ZNHIT6: variants seen among roughly 807,000 people sequenced by gnomAD.
The protein encoded by ZNHIT6 is box C/D snoRNA protein 1.
In ZNHIT6, 45 loss-of-function variants were observed where a neutral mutation model predicts 57.2. The observed-to-expected ratio is 0.79, with a 90% confidence interval of 0.62 to 1.01. The LOEUF (loss-of-function observed/expected upper bound fraction) is 1.01, where lower values mean the gene tolerates loss of function less well. ZNHIT6 is among the 50% of genes least tolerant of loss of function. The pLI, the probability that ZNHIT6 is intolerant of heterozygous loss-of-function variation, is 0.00. For synonymous variants in ZNHIT6, 188 were observed against 190.0 expected, an observed-to-expected ratio of 0.99 and a Z score of 0.09; for missense variants, 528 against 567.3, an observed-to-expected ratio of 0.93 and a Z score of 0.70.
chr1:85,680,698 G>A, intron 6 of ZNHIT6, 138 bp downstream of exon 6: 1 of 550,316 alleles, frequency 1.8e-6, no homozygotes, highest in Non-Finnish European at 3.1e-6. Flanking sequence ...TTCATTTTTA[G>A]TGATGTTTAG....
chr1:85,678,220 A>T (rs9661608), intron 7 of ZNHIT6, among the ~76,000 whole-genome samples: 137,818 of 152,172 alleles, frequency 0.91, 63,050 homozygotes, highest in Non-Finnish European at 0.97. Flanking sequence ...CTTAGTTCTA[A>T]GAAGACTTGG....
intron 9 of ZNHIT6, among the ~76,000 whole-genome samples, chr1:85,657,250 A>G (rs763598272): frequency 1.3e-5 from 2 of 152,116 alleles, no homozygotes; most frequent in African/African-American, 2.4e-5. Context: ...GTACTTCCCT[A>G]TATCACAAAA....
intron 1 of ZNHIT6, 116 bp downstream of exon 1, chr1:85,707,513 C>T (rs1286028984): frequency 7.9e-7 from 1 of 1,268,904 alleles, no homozygotes; most frequent in African/African-American, 1.5e-5. Flanking sequence ...CTCCAGAAAC[C>T]CAAACTTGTG....
intron 5 of ZNHIT6, among the ~76,000 whole-genome samples, chr1:85,684,189 C>T (rs956613443): frequency 2.0e-5 from 3 of 152,064 alleles, no homozygotes; most frequent in Admixed American, 2.0e-4. Flanking sequence ...TCCAAGATAC[C>T]ATGTTTAGAG....
intron 5 of ZNHIT6, 41 bp from the exon 6 acceptor site, chr1:85,680,945 TAA>T (rs1219556580): frequency 6.7e-7 from 1 of 1,481,502 alleles, no homozygotes. Context: ...AGGTAGATAA[TAA>T]AAGTCTGGAT....
chr1:85,698,853 G>A (rs1006753954), intron 5 of ZNHIT6, among the ~76,000 whole-genome samples: 5 of 152,058 alleles, frequency 3.3e-5, no homozygotes, highest in African/African-American at 7.2e-5. Context: ...GACCTATGAG[G>A]GGTGAATGGA....
intron 5 of ZNHIT6, among the ~76,000 whole-genome samples, chr1:85,691,635 G>A (rs1043791939): frequency 3.9e-5 from 6 of 152,216 alleles, no homozygotes; most frequent in South Asian, 2.1e-4. Flanking sequence ...ACTGGCTCAC[G>A]CCTGTAATCC....
In ZNHIT6 at chr1:85,652,843, A is replaced by G. The variant is rs939467888; in HGVS notation, c.*1215T>C. 3 of 152,216 alleles carry G rather than the reference A, an allele frequency of 2.0e-5. No individual in the cohort carries two copies. The highest frequency in any genetic ancestry group is 4.8e-5 in the African/African-American group (2 of 41,458). The allele number at this position is 152,216 out of a possible 1,614,324, so 9.4% of individuals were successfully genotyped here. A position where few individuals can be genotyped will look rare whatever the true frequency, so the allele number is the denominator to read the frequency against. ...AATCTTTTTACTCTCTTACAGTCAT[A>G]TTGCAGTTTCACAGTGGTATAAACT... On this transcript the variant is annotated 3_prime_UTR_variant, in exon 10 of 10. Coordinates refer to ENST00000370574, the MANE Select transcript of ZNHIT6 (RefSeq NM_017953.4).
chr1:85,706,192 A>G, intron 3 of ZNHIT6, 29 bp from the exon 4 acceptor site: 1 of 1,611,612 alleles, frequency 6.2e-7, no homozygotes, highest in Non-Finnish European at 8.5e-7. Flanking sequence ...AAGAATAAAC[A>G]AGTGACATAT....
intron 6 of ZNHIT6, among the ~76,000 whole-genome samples, chr1:85,679,424 T>C (rs900021048): frequency 5.3e-5 from 8 of 152,274 alleles, no homozygotes; most frequent in African/African-American, 1.7e-4. Context: ...AATAACAAAG[T>C]TCTTCACTAA....
intron 5 of ZNHIT6, among the ~76,000 whole-genome samples, chr1:85,701,095 C>T (rs531649770): frequency 7.9e-5 from 12 of 152,130 alleles, no homozygotes; most frequent in Admixed American, 4.6e-4. Context: ...CCAGGAAAAA[C>T]GAAAAACCAT....
chr1:85,677,215 T>A, intron 8 of ZNHIT6, 21 bp downstream of exon 8: 1 of 1,557,510 alleles, frequency 6.4e-7, no homozygotes, highest in Non-Finnish European at 8.7e-7. Context: ...TTTAAAGAAA[T>A]GGGGAGGGGA....
intron 9 of ZNHIT6, among the ~76,000 whole-genome samples, chr1:85,656,776 G>C (rs773430931): frequency 4.6e-5 from 7 of 151,988 alleles, no homozygotes; most frequent in Non-Finnish European, 7.4e-5. Flanking sequence ...ACTAAAATCT[G>C]GTTTCAAGTT....
At chr1:85,700,133 G>A (rs1387581496) in intron 5 of ZNHIT6, among the ~76,000 whole-genome samples, 2 of 152,122 alleles carry the variant, frequency 1.3e-5, no homozygotes, top group Non-Finnish European at 2.9e-5. Context: ...CTAGATAGTG[G>A]AATTATAGGT....
chr1:85,667,961 A>AAAAAAAAAAAAAAAAGTATATATATATAT lies in ZNHIT6; in HGVS notation c.1247+9274_1247+9275insATATATATATATACTTTTTTTTTTTTTTT. On this transcript the variant is annotated intron_variant, in intron 8 of 9. Transcript: ENST00000370574. ...ACTCTCTCTTTCAAAAAAAAAAAAA[A>AAAAAAAAAAAAAAAAGTATATATATATAT]ATATATATATATATATATATATATG... Among the ~76,000 whole-genome samples the AAAAAAAAAAAAAAAAGTATATATATATAT allele has an allele frequency of 4.2e-3, 76 of 18,192 alleles. 8 individuals carry two copies. Among genetic ancestry groups the AAAAAAAAAAAAAAAAGTATATATATATAT allele is most frequent in the Middle Eastern group, 0.031 (1 of 32 alleles). 11.9% of individuals were successfully genotyped at this position (18,192 alleles called of 152,430 possible).
intron 5 of ZNHIT6, among the ~76,000 whole-genome samples, chr1:85,692,380 C>T (rs1662244937): frequency 6.6e-6 from 1 of 152,208 alleles, no homozygotes; most frequent in East Asian, 1.9e-4. Context: ...AACTCCCTTA[C>T]CACTGTCTGC....
intron 5 of ZNHIT6, among the ~76,000 whole-genome samples, chr1:85,691,804 T>C (rs1479819946): frequency 6.6e-6 from 1 of 152,168 alleles, no homozygotes; most frequent in African/African-American, 2.4e-5. Flanking sequence ...AAGAATCATT[T>C]GAACCCAAGA....
At chr1:85,683,068 T>C (rs993436076) in intron 5 of ZNHIT6, among the ~76,000 whole-genome samples, 1 of 151,986 alleles carries the variant, frequency 6.6e-6, no homozygotes, top group Non-Finnish European at 1.5e-5. Context: ...AATACAAAAA[T>C]GAGCCAGGCA....
In ZNHIT6 at chr1:85,677,296, C is replaced by T. The variant is rs765256116; in HGVS notation, c.1187G>A (p.Arg396His). 6.7e-5 allele frequency: 107 copies of T among 1,605,098 alleles called. 2 individuals carry two copies. In the Admixed American group the frequency reaches 1.2e-3, roughly 18 times the overall value. The change falls in exon 8 of 10, where the codon CGC becomes CAC. Residue 396 changes from arginine to histidine, a missense_variant. By Grantham distance (29) the Arg-to-His change is conservative. Coordinates refer to ENST00000370574, the MANE Select transcript of ZNHIT6 (RefSeq NM_017953.4). The part of the protein sequence containing the change: ...VIRQRLKAYI[R>H]SQTGVQILMK... ...TAAAATCTGAACCCCAGTCTGAGAG[C>T]GAATGTAGGCTTTCAACCTGAAATA...
Sources: allele counts gnomAD v4.1 joint callset (sites outside exome capture counted in the v4.1 genomes callset), GRCh38; gene constraint gnomAD v4.1.1; transcripts MANE v1.5; gene names NCBI Gene and HGNC (gene_info 2026-07-23, HGNC 2026-07-21).